Variants in RASEF observed in about 807,000 individuals in gnomAD.
The protein encoded by RASEF is ras and EF-hand domain-containing protein.
In RASEF, 68 loss-of-function variants were observed where a neutral mutation model predicts 90.1. The observed-to-expected ratio is 0.75, with a 90% CI of 0.62 to 0.92. The LOEUF (loss-of-function observed/expected upper bound fraction) is 0.92, where lower values mean the gene tolerates loss of function less well. RASEF is among the 40% of genes least tolerant of loss of function. RASEF has a pLI of 0.00. For missense variants in RASEF, 949 were observed against 937.2 expected (o/e 1.01, Z -0.16); for synonymous variants, 331 against 345.2 (o/e 0.96, Z 0.46).
chr9:83,175,693 G>A, the RASEF span, among the ~76,000 whole-genome samples: 1 of 151,902 alleles, frequency 6.6e-6, no homozygotes, highest in Non-Finnish European at 1.5e-5. Flanking sequence ...CCATTCTCCT[G>A]CCTCAGCCTC....
chr9:83,016,940 C>T (rs1254453981), intron 3 of RASEF, among the ~76,000 whole-genome samples: 1 of 152,052 alleles, frequency 6.6e-6, no homozygotes, highest in Non-Finnish European at 1.5e-5. Context: ...TTAAATAATC[C>T]ATGTGAAATG....
the RASEF span, among the ~76,000 whole-genome samples, chr9:83,137,416 G>C: frequency 6.6e-6 from 1 of 152,136 alleles, no homozygotes; most frequent in Admixed American, 6.6e-5. Context: ...GGAGAAGAGA[G>C]TTAGAAGTTG....
the RASEF span, among the ~76,000 whole-genome samples, chr9:83,202,816 C>T: frequency 2.0e-5 from 3 of 152,048 alleles, no homozygotes; most frequent in African/African-American, 4.8e-5. Context: ...TAAGTGTTCT[C>T]ACCACAGAAA....
intron 3 of RASEF, among the ~76,000 whole-genome samples, chr9:83,021,168 C>T (rs1420221156): frequency 2.0e-5 from 3 of 152,256 alleles, no homozygotes; most frequent in East Asian, 3.9e-4. Context: ...TTGCAGGCAC[C>T]GTGCTAGGCA....
the RASEF span, among the ~76,000 whole-genome samples, chr9:83,129,262 C>A: frequency 2.0e-4 from 30 of 151,952 alleles, no homozygotes; most frequent in Non-Finnish European, 3.5e-4. Flanking sequence ...AAAAAATTAT[C>A]TGGGCATGGT....
In RASEF at chr9:82,982,590, G is replaced by T; in HGVS notation, c.*87C>A. The stretch of plus-strand genomic sequence containing the variant: ...ACTCTCCATAGGACAGTGTCAGTAG[G>T]ATGTGCCACTCTGTTAAGAGCCAAA... On this transcript the variant is annotated 3_prime_UTR_variant, in exon 17 of 17. Transcript: ENST00000376447. The T allele has an allele frequency of 1.3e-6, 1 of 781,660 alleles. No individual in the cohort carries two copies. The highest frequency in any genetic ancestry group is 2.3e-6 in the Non-Finnish European group (1 of 432,192). The allele number at this position is 781,660 out of a possible 1,614,324, so 48.4% of individuals were successfully genotyped here. A position where few individuals can be genotyped will look rare whatever the true frequency, so the allele number is the denominator to read the frequency against.
chr9:83,090,406 T>C, the RASEF span, among the ~76,000 whole-genome samples: 3 of 150,824 alleles, frequency 2.0e-5, no homozygotes, highest in African/African-American at 7.4e-5. Context: ...GTATGAGCCA[T>C]ACTTTTTTTT....
At chr9:83,153,968 G>A in the RASEF span, among the ~76,000 whole-genome samples, 1 of 152,212 alleles carries the variant, frequency 6.6e-6, no homozygotes, top group African/African-American at 2.4e-5. Flanking sequence ...GCATGGAATA[G>A]TGGAGAATGC....
chr9:83,073,064 C>T, the RASEF span, among the ~76,000 whole-genome samples: 52 of 152,262 alleles, frequency 3.4e-4, no homozygotes, highest in African/African-American at 1.2e-3. Context: ...ATTTGTGGCA[C>T]GTTTCTCTCC....
At chr9:83,131,088 G>A in the RASEF span, among the ~76,000 whole-genome samples, 1 of 152,102 alleles carries the variant, frequency 6.6e-6, no homozygotes, top group Non-Finnish European at 1.5e-5. Context: ...GTCAGACAAC[G>A]TGATCTCCTG....
intron 7 of RASEF, among the ~76,000 whole-genome samples, chr9:83,006,382 C>G (rs1829131440): frequency 6.6e-6 from 1 of 152,160 alleles, no homozygotes; most frequent in Non-Finnish European, 1.5e-5. Context: ...CCTGGCATAC[C>G]TGGCCTGTAA....
chr9:83,088,388 A>AGATG, the RASEF span, among the ~76,000 whole-genome samples: 45 of 151,802 alleles, frequency 3.0e-4, no homozygotes, highest in East Asian at 8.3e-3. Context: ...ATAGATAGAT[A>AGATG]GATAGATAGA....
the RASEF span, among the ~76,000 whole-genome samples, chr9:83,144,412 G>GAAAGAAAGAAAGAAAGAAAT: frequency 3.3e-4 from 40 of 122,870 alleles, 1 homozygote; most frequent in East Asian, 8.6e-3. Flanking sequence ...AAGAAAGAAA[G>GAAAGAAAGAAAGAAAGAAAT]AAAGAAAAGA....
intron 1 of RASEF, chr9:83,048,730 C>G: frequency 1.0e-6 from 1 of 985,124 alleles, no homozygotes; most frequent in Non-Finnish European, 1.2e-6. Context: ...GATAAATACA[C>G]ATTGAGAAAT....
the RASEF span, among the ~76,000 whole-genome samples, chr9:83,096,729 C>T: frequency 2.9e-3 from 441 of 152,162 alleles, 3 homozygotes; most frequent in African/African-American, 0.01. Context: ...ATGCTGCACC[C>T]ATTAACTCAT....
chr9:83,166,206 A>G, the RASEF span, among the ~76,000 whole-genome samples: 1 of 152,228 alleles, frequency 6.6e-6, no homozygotes, highest in Non-Finnish European at 1.5e-5. Flanking sequence ...AGACATTACA[A>G]GAAATGAAAA....
chr9:83,125,680 T>C, the RASEF span, among the ~76,000 whole-genome samples: 1 of 152,194 alleles, frequency 6.6e-6, no homozygotes, highest in South Asian at 2.1e-4. Flanking sequence ...TTTTATTCTT[T>C]AGCCCCTTAT....
chr9:82,987,979 G>A (rs1454540222), intron 16 of RASEF, among the ~76,000 whole-genome samples: 1 of 152,212 alleles, frequency 6.6e-6, no homozygotes, highest in African/African-American at 2.4e-5. Context: ...ACTGCTGCAT[G>A]GGAGCAGCAA....
rs138498591 is a variant in RASEF, at chr9:82,997,059, A to G, written c.1873T>C (p.Cys625Arg). ...DGVLLLYDVT[C>R]EKSFLNIREW... ...CGTATGTTAAGAAAGCTTTTCTCAC[A>G]TGTAACATCATACAGCAGCAAAACA... Residue 625 changes from cysteine (C) to arginine (R), a missense_variant, in exon 14 of 17, where the codon TGT becomes CGT. Physicochemically the swap from Cys to Arg is radical, Grantham distance 180 (BLOSUM62 -3). Around this residue, in one of 3 missense-constraint regions of RASEF, gnomAD observed 288 missense variants for 328.4 expected, o/e 0.88. Coordinates refer to ENST00000376447, the MANE Select transcript of RASEF (RefSeq NM_152573.4). 2 of 1,613,322 alleles carry G rather than the reference A, an allele frequency of 1.2e-6. No homozygotes were observed. Among genetic ancestry groups the G allele is most frequent in the African/African-American group, 1.3e-5 (1 of 75,038 alleles).
Sources: gnomAD v4.1 joint callset for allele counts (sites outside exome capture counted in the v4.1 genomes callset) on GRCh38, gnomAD v4.1.1 for gene constraint, gnomAD v4.1.1 regional missense constraint, MANE v1.5 for transcripts, NCBI Gene and HGNC (gene_info 2026-07-23, HGNC 2026-07-21) for gene names.